The following GABRA3 variants were observed in gnomAD, a reference collection of about 807,000 sequenced individuals.
The protein encoded by GABRA3 is gamma-aminobutyric acid type A receptor subunit alpha3.
In GABRA3, 10 loss-of-function variants were observed where a neutral mutation model predicts 30.1. That is an observed-to-expected ratio of 0.33 (90% CI 0.20 to 0.56). GABRA3 has a LOEUF of 0.56. Among genes scored for constraint, GABRA3 ranks in the 20% least tolerant of loss-of-function variants. The pLI is 0.89. For missense variants in GABRA3, 233 were observed against 392.0 expected (o/e 0.59, Z 3.42); for synonymous variants, 151 against 146.8 (o/e 1.03, Z -0.21).
intron 5 of GABRA3, among the ~76,000 whole-genome samples, chrX:152,242,720 T>C (rs918498948): frequency 1.8e-5 from 2 of 112,016 alleles, no homozygotes; most frequent in African/African-American, 3.2e-5. Context: ...GGATGGCTAC[T>C]ATCAAAAAGA....
chrX:152,329,077 G>A (rs1470563828), intron 3 of GABRA3, among the ~76,000 whole-genome samples: 1 of 111,616 alleles, frequency 9.0e-6, no homozygotes, highest in African/African-American at 3.3e-5. Context: ...GCCACATCAT[G>A]AGTGAACTCC....
chrX:152,362,186 C>G (rs1215348504), intron 2 of GABRA3, among the ~76,000 whole-genome samples: 1 of 109,915 alleles, frequency 9.1e-6, no homozygotes, highest in Non-Finnish European at 1.9e-5. Flanking sequence ...ATCAACACTG[C>G]AAAAATAATT....
intron 3 of GABRA3, among the ~76,000 whole-genome samples, chrX:152,322,536 C>CT (rs751861869): frequency 1.7e-3 from 170 of 101,023 alleles, no homozygotes; most frequent in Middle Eastern, 9.8e-3. Flanking sequence ...AAAGTCAACT[C>CT]TTTTTTTTTT....
Position 152,251,226 on chromosome X carries a change from G to A in GABRA3, c.551+4552C>T, listed in dbSNP as rs187269073. The A allele has an allele frequency of 2.4e-3, 522 of 219,891 alleles. 2 individuals carry two copies. Among genetic ancestry groups the A allele is most frequent in the South Asian group, 6.8e-3 (122 of 17,950 alleles). 18.1% of individuals were successfully genotyped at this position (219,891 alleles called of 1,213,427 possible). ...ATTCTACATAGACTCTAATCTCATC[G>A]AACTTGACTTTCTTGTCCAATTCAG... On this transcript the variant is annotated intron_variant, in intron 5 of 9. Coordinates refer to ENST00000370314, the MANE Select transcript of GABRA3 (RefSeq NM_000808.4).
intron 1 of GABRA3, among the ~76,000 whole-genome samples, chrX:152,386,465 AC>A (rs1929314072): frequency 1.8e-5 from 2 of 110,653 alleles, no homozygotes; most frequent in Non-Finnish European, 3.8e-5. Context: ...AAAACAAACA[AC>A]CCCATCAAAA....
At chrX:152,233,523 C>T (rs1464572966) in intron 5 of GABRA3, among the ~76,000 whole-genome samples, 1 of 109,139 alleles carries the variant, frequency 9.2e-6, no homozygotes, top group Non-Finnish European at 1.9e-5. Flanking sequence ...GTTAGAATGG[C>T]GATCATTAAA....
At chrX:152,370,887 C>A (rs187866629) in intron 1 of GABRA3, among the ~76,000 whole-genome samples, 1 of 111,379 alleles carries the variant, frequency 9.0e-6, no homozygotes, top group East Asian at 2.9e-4. Context: ...TTCTAATCTA[C>A]TGATCTTACA....
chrX:152,435,015 T>C (rs753453375), intron 1 of GABRA3, among the ~76,000 whole-genome samples: 29 of 111,818 alleles, frequency 2.6e-4, no homozygotes, highest in African/African-American at 8.8e-4. Context: ...CCATTCAACA[T>C]TCTACTAGAG....
At chrX:152,180,049 C>T (rs761502381) in intron 9 of GABRA3, among the ~76,000 whole-genome samples, 44 of 111,757 alleles carry the variant, frequency 3.9e-4, no homozygotes, top group Non-Finnish European at 6.6e-4. Context: ...CTTTGACATA[C>T]TGATTTCAAG....
At chrX:152,316,484 A>T (rs1360331306) in intron 3 of GABRA3, among the ~76,000 whole-genome samples, 1 of 111,889 alleles carries the variant, frequency 8.9e-6, no homozygotes, top group Admixed American at 9.5e-5. Context: ...AGATCTAGAC[A>T]TCCAAACACA....
chrX:152,278,077 T>C (rs763390503), intron 4 of GABRA3, among the ~76,000 whole-genome samples: 2 of 112,367 alleles, frequency 1.8e-5, no homozygotes, highest in East Asian at 2.8e-4. Flanking sequence ...AGAAACATAA[T>C]TGATACGTTA....
chrX:152,204,292 T>C (rs1290016008), intron 7 of GABRA3, among the ~76,000 whole-genome samples: 1 of 111,754 alleles, frequency 8.9e-6, no homozygotes, highest in Admixed American at 9.5e-5. Context: ...TCCTTTTCAG[T>C]ATATACCTGT....
intron 1 of GABRA3, among the ~76,000 whole-genome samples, chrX:152,401,634 A>T (rs1166595721): frequency 8.9e-6 from 1 of 111,870 alleles, no homozygotes; most frequent in African/African-American, 3.2e-5. Flanking sequence ...TAAAATGTAA[A>T]TATTTCTGGA....
At chrX:152,233,855 AC>A (rs1173626449) in intron 5 of GABRA3, among the ~76,000 whole-genome samples, 1 of 106,963 alleles carries the variant, frequency 9.3e-6, no homozygotes, top group African/African-American at 3.4e-5. Flanking sequence ...ACCATGGAAT[AC>A]TATGCAGCCA....
chrX:152,383,388 C>CA (rs34736587), intron 1 of GABRA3, among the ~76,000 whole-genome samples: 54 of 35,410 alleles, frequency 1.5e-3, no homozygotes, highest in African/African-American at 2.6e-3. Context: ...GACTCCATCT[C>CA]AAAAAAAAAA....
At chrX:152,199,170 T>TC (rs1486207781) in intron 7 of GABRA3, among the ~76,000 whole-genome samples, 2 of 109,800 alleles carry the variant, frequency 1.8e-5, no homozygotes, top group Non-Finnish European at 3.8e-5. Context: ...ATCGAGACCA[T>TC]CCTGGCTAAC....
intron 1 of GABRA3, among the ~76,000 whole-genome samples, chrX:152,439,675 G>A (rs1385060499): frequency 9.0e-6 from 1 of 111,372 alleles, no homozygotes; most frequent in Non-Finnish European, 1.9e-5. Context: ...ACAGCATTGC[G>A]ACATGGCTAA....
chrX:152,298,170 T>C (rs990756100), intron 3 of GABRA3, among the ~76,000 whole-genome samples: 32 of 112,335 alleles, frequency 2.8e-4, no homozygotes, highest in Admixed American at 2.8e-4. Flanking sequence ...ATATAGGATG[T>C]GGAGGTTGGG....
chrX:152,251,661 C>A (rs1938557000), intron 5 of GABRA3, among the ~76,000 whole-genome samples: 1 of 110,495 alleles, frequency 9.1e-6, no homozygotes, highest in African/African-American at 3.3e-5. Flanking sequence ...TTCCATACAG[C>A]TTCTTTTCTG....
Sources: allele counts gnomAD v4.1 joint callset (sites outside exome capture counted in the v4.1 genomes callset), GRCh38; gene constraint gnomAD v4.1.1; transcripts MANE v1.5; gene names NCBI Gene and HGNC (gene_info 2026-07-23, HGNC 2026-07-21).